IMMP2L: variants seen among roughly 807,000 people sequenced by gnomAD.
IMMP2L encodes the protein mitochondrial inner membrane protease subunit 2.
Under a neutral mutation model 19.3 loss-of-function variants are expected in IMMP2L, and 18 were observed. The observed-to-expected ratio is 0.93, with a 90% confidence interval of 0.64 to 1.38. The LOEUF (loss-of-function observed/expected upper bound fraction) is 1.38, where lower values mean the gene tolerates loss of function less well. Ranked by LOEUF, IMMP2L falls within the 40% of genes most tolerant of loss-of-function variation. The pLI is 0.00. For missense variants in IMMP2L, 233 were observed against 218.2 expected, an observed-to-expected ratio of 1.07 and a Z score of -0.43; for synonymous variants, 76 against 73.0, an observed-to-expected ratio of 1.04 and a Z score of -0.21.
intron 3 of IMMP2L, among the ~76,000 whole-genome samples, chr7:111,167,488 A>G (rs565608516): frequency 7.2e-5 from 11 of 152,094 alleles, no homozygotes; most frequent in African/African-American, 2.6e-4. Flanking sequence ...TTATATGCAC[A>G]TCCTAACTCA....
At chr7:110,789,915 G>A (rs531041450) in intron 5 of IMMP2L, among the ~76,000 whole-genome samples, 1 of 151,672 alleles carries the variant, frequency 6.6e-6, no homozygotes, top group Non-Finnish European at 1.5e-5. Flanking sequence ...GAGTCACTTT[G>A]TTAGGTATTC....
intron 5 of IMMP2L, among the ~76,000 whole-genome samples, chr7:110,819,291 G>A (rs1802820913): frequency 6.6e-6 from 1 of 151,886 alleles, no homozygotes. Context: ...TGTTTGGGGA[G>A]GTTCGGAGGC....
At chr7:111,488,160 C>T (rs977565139) in intron 2 of IMMP2L, among the ~76,000 whole-genome samples, 1 of 152,040 alleles carries the variant, frequency 6.6e-6, no homozygotes, top group Admixed American at 6.6e-5. Context: ...GCTAAGATAG[C>T]CTTTTCACTG....
intron 5 of IMMP2L, among the ~76,000 whole-genome samples, chr7:110,763,800 C>T (rs545500426): frequency 1.8e-4 from 27 of 151,996 alleles, no homozygotes; most frequent in Non-Finnish European, 3.7e-4. Flanking sequence ...AAGAAAACTG[C>T]GAATATTTTA....
At chr7:111,217,124 TCTCACACA>T (rs1469114466) in intron 3 of IMMP2L, among the ~76,000 whole-genome samples, 1 of 102,644 alleles carries the variant, frequency 9.7e-6, no homozygotes, top group Non-Finnish European at 2.2e-5. Flanking sequence ...TCTCTCTCTC[TCTCACACA>T]CACACACACA....
intron 2 of IMMP2L, among the ~76,000 whole-genome samples, chr7:111,510,840 A>G (rs1377908738): frequency 1.3e-5 from 2 of 152,164 alleles, no homozygotes; most frequent in Admixed American, 1.3e-4. Flanking sequence ...GTGGCCCCAC[A>G]TACCGTGCTT....
chr7:111,420,344 G>A (rs1835370861), intron 3 of IMMP2L, among the ~76,000 whole-genome samples: 1 of 151,732 alleles, frequency 6.6e-6, no homozygotes, highest in Non-Finnish European at 1.5e-5. Flanking sequence ...GAACTTCTCT[G>A]ACCAAGGACA....
intron 5 of IMMP2L, among the ~76,000 whole-genome samples, chr7:110,818,741 A>C (rs1173336219): frequency 2.0e-5 from 3 of 152,084 alleles, no homozygotes; most frequent in Non-Finnish European, 2.9e-5. Flanking sequence ...CTGGATTAAG[A>C]AAATGTGGCA....
intron 5 of IMMP2L, among the ~76,000 whole-genome samples, chr7:110,817,296 C>T (rs575626586): frequency 3.5e-4 from 54 of 152,170 alleles, no homozygotes; most frequent in African/African-American, 7.0e-4. Context: ...ACCAAAATCA[C>T]GAGCATTCTT....
intron 5 of IMMP2L, among the ~76,000 whole-genome samples, chr7:110,753,789 A>C (rs1797882182): frequency 6.6e-6 from 1 of 150,884 alleles, no homozygotes; most frequent in Admixed American, 6.6e-5. Context: ...TGGTTAGTAG[A>C]AGACGAAAAA....
At chr7:111,432,806 T>C (rs760909502) in intron 3 of IMMP2L, among the ~76,000 whole-genome samples, 1 of 151,228 alleles carries the variant, frequency 6.6e-6, no homozygotes, top group Non-Finnish European at 1.5e-5. Context: ...ACCCTAAAGA[T>C]TCCACCAAAA....
intron 5 of IMMP2L, among the ~76,000 whole-genome samples, chr7:110,686,588 C>T (rs73208712): frequency 0.027 from 4,065 of 152,084 alleles, 69 homozygotes; most frequent in Middle Eastern, 0.088. Context: ...CCTGGTGTCT[C>T]GATTTTGGGA....
chr7:110,699,099 G>A (rs1043407187), intron 5 of IMMP2L, among the ~76,000 whole-genome samples: 9 of 151,976 alleles, frequency 5.9e-5, no homozygotes, highest in African/African-American at 1.7e-4. Flanking sequence ...GCTAAAACTT[G>A]GCATCCACTG....
chr7:111,022,605 C>G, intron 3 of IMMP2L, among the ~76,000 whole-genome samples: 1 of 152,134 alleles, frequency 6.6e-6, no homozygotes, highest in African/African-American at 2.4e-5. Flanking sequence ...GTGTAATACC[C>G]CTTTGCAAAT....
At chr7:111,098,441 A>C (rs1797625985) in intron 3 of IMMP2L, among the ~76,000 whole-genome samples, 1 of 151,852 alleles carries the variant, frequency 6.6e-6, no homozygotes, top group Non-Finnish European at 1.5e-5. Flanking sequence ...AAATTATACC[A>C]TAATATGCTG....
chr7:110,795,381 T>C (rs1042967353), intron 5 of IMMP2L, among the ~76,000 whole-genome samples: 6 of 152,122 alleles, frequency 3.9e-5, no homozygotes, highest in African/African-American at 1.2e-4. Context: ...TATCCTATCA[T>C]GGTTTAAATA....
intron 3 of IMMP2L, among the ~76,000 whole-genome samples, chr7:111,380,779 A>T (rs891898694): frequency 3.3e-5 from 5 of 151,986 alleles, no homozygotes; most frequent in Non-Finnish European, 5.9e-5. Context: ...CTTGTCTCTG[A>T]TATACTCTGA....
At chr7:111,114,885 TCTC>T (rs1258481444) in intron 3 of IMMP2L, among the ~76,000 whole-genome samples, 5 of 152,082 alleles carry the variant, frequency 3.3e-5, no homozygotes, top group Non-Finnish European at 7.4e-5. Flanking sequence ...GGTCACGAGG[TCTC>T]CTCCTAACTC....
chr7:110,936,947 A>G (rs1816184038), intron 4 of IMMP2L, among the ~76,000 whole-genome samples: 1 of 152,096 alleles, frequency 6.6e-6, no homozygotes, highest in Non-Finnish European at 1.5e-5. Context: ...CTAACACAGG[A>G]ACAGAAAACC....
Sources: allele counts gnomAD v4.1 joint callset (sites outside exome capture counted in the v4.1 genomes callset), GRCh38; gene constraint gnomAD v4.1.1; transcripts MANE v1.5; gene names NCBI Gene and HGNC (gene_info 2026-07-23, HGNC 2026-07-21).